Variants in EXOC2 observed in about 807,000 individuals in gnomAD.
The protein encoded by EXOC2 is exocyst complex component 2.
In EXOC2, 70 loss-of-function variants were observed where a neutral mutation model predicts 131.8. The ratio of observed to expected loss-of-function variants is 0.53; its 90% CI spans 0.44 to 0.65. EXOC2 has a LOEUF of 0.65. EXOC2 is among the 30% of genes least tolerant of loss of function. The pLI, the probability that EXOC2 is intolerant of heterozygous loss-of-function variation, is 0.00. For synonymous variants in EXOC2, 411 were observed against 398.4 expected, an observed-to-expected ratio of 1.03 and a Z score of -0.38; for missense variants, 923 against 1,108.6, an observed-to-expected ratio of 0.83 and a Z score of 2.38.
chr6:616,728 G>A (rs1412926927), intron 6 of EXOC2, among the ~76,000 whole-genome samples: 1 of 151,144 alleles, frequency 6.6e-6, no homozygotes, highest in Non-Finnish European at 1.5e-5. Flanking sequence ...GAAGAGGGGG[G>A]CTTATTTATT....
chr6:668,951 C>T (rs999314692), intron 1 of EXOC2: 3 of 152,122 alleles, frequency 2.0e-5, no homozygotes, highest in Non-Finnish European at 4.4e-5. Context: ...CATGCAGAAC[C>T]CATGGATATG....
At chr6:497,020 C>T (rs889876110) in intron 25 of EXOC2, among the ~76,000 whole-genome samples, 7 of 152,100 alleles carry the variant, frequency 4.6e-5, no homozygotes, top group East Asian at 1.9e-4. Context: ...GCACTGAATG[C>T]TTTCAAAAGA....
At chr6:653,273 T>C (rs983301327) in intron 1 of EXOC2, among the ~76,000 whole-genome samples, 1 of 152,304 alleles carries the variant, frequency 6.6e-6, no homozygotes, top group South Asian at 2.1e-4. Context: ...TAGAAATAAT[T>C]AAGCTTAGTA....
intron 1 of EXOC2, among the ~76,000 whole-genome samples, chr6:642,688 A>C (rs1308838517): frequency 6.6e-6 from 1 of 152,208 alleles, no homozygotes; most frequent in Admixed American, 6.5e-5. Flanking sequence ...TAAAATTATA[A>C]AATTATTTTT....
intron 11 of EXOC2, among the ~76,000 whole-genome samples, chr6:582,791 G>T (rs1455341632): frequency 5.9e-5 from 9 of 151,900 alleles, no homozygotes; most frequent in Non-Finnish European, 1.5e-5. Flanking sequence ...CCTGACAGGG[G>T]CATTTCCTTA....
intron 17 of EXOC2, among the ~76,000 whole-genome samples, chr6:560,409 C>A (rs1757638269): frequency 6.6e-6 from 1 of 152,202 alleles, no homozygotes; most frequent in Non-Finnish European, 1.5e-5. Flanking sequence ...TAGCCACAAA[C>A]AGAAGCCATG....
At chr6:671,256 C>A (rs889246872) in intron 1 of EXOC2, among the ~76,000 whole-genome samples, 13 of 151,392 alleles carry the variant, frequency 8.6e-5, no homozygotes, top group Non-Finnish European at 4.4e-5. Context: ...ACCTGGGAGG[C>A]TGAGGCAGGA....
chr6:590,110 GTCT>G (rs1759456775), intron 11 of EXOC2, among the ~76,000 whole-genome samples: 1 of 95,910 alleles, frequency 1.0e-5, no homozygotes, highest in Admixed American at 1.2e-4. Context: ...GCGAGACTCT[GTCT>G]GGAAAAAAAA....
intron 11 of EXOC2, among the ~76,000 whole-genome samples, chr6:587,400 A>G (rs1019687575): frequency 2.0e-5 from 3 of 152,100 alleles, no homozygotes; most frequent in Non-Finnish European, 4.4e-5. Context: ...AAATGCCACC[A>G]TGTCCGGCTA....
intron 12 of EXOC2, among the ~76,000 whole-genome samples, chr6:576,044 T>C (rs1163075542): frequency 6.6e-6 from 1 of 152,218 alleles, no homozygotes; most frequent in Non-Finnish European, 1.5e-5. Context: ...AAAAATTCCC[T>C]ACTGCAATGC....
intron 23 of EXOC2, among the ~76,000 whole-genome samples, chr6:501,202 T>TATATATCTATATA (rs1422418986): frequency 3.3e-4 from 3 of 9,046 alleles, no homozygotes; most frequent in African/African-American, 7.7e-4. Context: ...TCTATATATA[T>TATATATCTATATA]TATATATATA....
At chr6:487,584 T>A (rs1354920515) in intron 27 of EXOC2, among the ~76,000 whole-genome samples, 6 of 152,104 alleles carry the variant, frequency 3.9e-5, no homozygotes, top group Non-Finnish European at 7.4e-5. Flanking sequence ...TTTTTGTATT[T>A]TTAGTAGAGA....
intron 23 of EXOC2, among the ~76,000 whole-genome samples, chr6:529,321 C>T (rs1275972447): frequency 6.6e-6 from 1 of 152,220 alleles, no homozygotes; most frequent in African/African-American, 2.4e-5. Context: ...CAGACATTCT[C>T]GACTGCCCCT....
Position 685,109 on chromosome 6 carries a change from T to C in EXOC2, c.-44+7910A>G, listed in dbSNP as rs184833453. ...AGATCAGACTATAGAAAGGTGATTT[T>C]CCCCACAATCATTTGAAAACACACA... On this transcript the variant is annotated intron_variant, in intron 1 of 27. Coordinates refer to ENST00000230449, the MANE Select transcript of EXOC2 (RefSeq NM_018303.6). Among the ~76,000 whole-genome samples, 632 of 149,376 alleles carry C rather than the reference T, an allele frequency of 4.2e-3. 8 individuals are homozygous for C. The highest frequency in any genetic ancestry group is 3.8e-3 in the Non-Finnish European group (259 of 67,388).
chr6:603,481 CCT>C (rs1760217718), intron 7 of EXOC2, among the ~76,000 whole-genome samples: 1 of 152,324 alleles, frequency 6.6e-6, no homozygotes, highest in East Asian at 1.9e-4. Flanking sequence ...AGCACGTACC[CCT>C]CTCAAGAGCA....
Position 514,029 on chromosome 6 carries a change from T to C in EXOC2, c.2381-14329A>G, listed in dbSNP as rs1462874999. Among the ~76,000 whole-genome samples, 3 of 152,212 alleles carry C rather than the reference T, an allele frequency of 2.0e-5. No individual in the cohort carries two copies. The East Asian group carries it at 5.8e-4, about 29-fold the overall frequency. ...AAAATGATATACTTTTGAAAAGTGT[T>C]AGGAGGCAGAGGCAGAAGTCCCAGT... On this transcript the variant is annotated intron_variant, in intron 23 of 27. Transcript: ENST00000230449.
intron 13 of EXOC2, among the ~76,000 whole-genome samples, chr6:566,604 G>A (rs559493269): frequency 6.6e-6 from 1 of 152,280 alleles, no homozygotes; most frequent in African/African-American, 2.4e-5. Flanking sequence ...ATGGGGTATG[G>A]GCATCGAGCA....
chr6:624,950 A>C (rs1400764917), intron 4 of EXOC2, among the ~76,000 whole-genome samples: 1 of 152,230 alleles, frequency 6.6e-6, no homozygotes, highest in African/African-American at 2.4e-5. Context: ...TTTTAAATCC[A>C]CTAGCACAGA....
At chr6:590,356 T>A (rs1759473432) in intron 11 of EXOC2, among the ~76,000 whole-genome samples, 1 of 151,840 alleles carries the variant, frequency 6.6e-6, no homozygotes, top group African/African-American at 2.4e-5. Flanking sequence ...CAGAGATACC[T>A]GGGTTTTCTT....
Sources: allele counts gnomAD v4.1 joint callset (sites outside exome capture counted in the v4.1 genomes callset), GRCh38; gene constraint gnomAD v4.1.1; transcripts MANE v1.5; gene names NCBI Gene and HGNC (gene_info 2026-07-23, HGNC 2026-07-21).